Variants in DPH7 observed in about 807,000 individuals in gnomAD.
DPH7 encodes the protein diphthine methyltransferase.
Under a neutral mutation model 41.7 loss-of-function variants are expected in DPH7, and 44 were observed. The ratio of observed to expected loss-of-function variants is 1.05; its 90% CI spans 0.83 to 1.36. The LOEUF (loss-of-function observed/expected upper bound fraction) is 1.36, where lower values mean the gene tolerates loss of function less well. Ranked by LOEUF, DPH7 falls within the 40% of genes most tolerant of loss-of-function variation. DPH7 has a pLI of 0.00. For missense variants in DPH7, 629 were observed against 577.5 expected, an observed-to-expected ratio of 1.09 and a Z score of -0.91; for synonymous variants, 275 against 238.0, an observed-to-expected ratio of 1.16 and a Z score of -1.43.
At chr9:137,560,334 T>C (rs1838291479) in intron 8 of DPH7, among the ~76,000 whole-genome samples, 1 of 152,030 alleles carries the variant, frequency 6.6e-6, no homozygotes, top group Non-Finnish European at 1.5e-5. Context: ...AATAGTCAAT[T>C]GCGAGCTGAG....
chr9:137,561,577 C>G (rs1052792240), intron 8 of DPH7, among the ~76,000 whole-genome samples: 5 of 145,830 alleles, frequency 3.4e-5, no homozygotes, highest in Admixed American at 6.9e-5. Flanking sequence ...GACCCCATAC[C>G]AAAGACTCGC....
chr9:137,569,458 C>A (rs915573569), intron 5 of DPH7, among the ~76,000 whole-genome samples: 1 of 144,664 alleles, frequency 6.9e-6, no homozygotes, highest in Non-Finnish European at 1.5e-5. Context: ...AGTCACTCAC[C>A]CACCATCCAT....
At chr9:137,575,520 G>C (rs1195845231) in intron 3 of DPH7, 1 of 991,328 alleles carries the variant, frequency 1.0e-6, no homozygotes, top group African/African-American at 1.7e-5. Flanking sequence ...TTCCTACACA[G>C]GCCCTCGGTT....
Position 137,574,798 on chromosome 9 carries a change from G to T in DPH7, c.421C>A (p.Gln141Lys). ...CAATCTAGGGACAAAGCCAGACACT[G>T]CTCCTCCAGGGCAAGGCTGGACAAT... ...EPLSSLALEE[Q>K]CLALSLDWST... Residue 141 changes from glutamine (Q) to lysine (K), a missense_variant, in exon 4 of 9, where the codon CAG (glutamine) becomes AAG (lysine). Gln to Lys is a moderately conservative substitution (Grantham distance 53, BLOSUM62 1). Transcript: ENST00000277540. 1 of 1,614,054 alleles carries T rather than the reference G, an allele frequency of 6.2e-7. No homozygotes were observed. The highest frequency in any genetic ancestry group is 8.5e-7 in the Non-Finnish European group (1 of 1,180,000).
chr9:137,569,991 T>C (rs1218219839), intron 5 of DPH7, among the ~76,000 whole-genome samples: 1 of 136,728 alleles, frequency 7.3e-6, no homozygotes, highest in Non-Finnish European at 1.5e-5. Flanking sequence ...CATCCATCCA[T>C]CCAGTCACCC....
chr9:137,555,165 T>G lies in DPH7; in HGVS notation c.*74A>C. On this transcript the variant is annotated 3_prime_UTR_variant, in exon 9 of 9. Coordinates refer to ENST00000277540, the MANE Select transcript of DPH7 (RefSeq NM_138778.5). ...GCAGGGCTGCAGTAAGCATCTCTGATGAGGTGGTCCCGGGCACTCACTCGC... is the reference window on the plus strand; with the variant it reads ...GCAGGGCTGCAGTAAGCATCTCTGAGGAGGTGGTCCCGGGCACTCACTCGC... 1.3e-5 allele frequency: 20 copies of G among 1,505,904 alleles called. No individual in the cohort carries two copies. Among genetic ancestry groups the G allele is most frequent in the Non-Finnish European group, 1.6e-5 (18 of 1,123,966 alleles). 93.3% of individuals were successfully genotyped at this position (1,505,904 alleles called of 1,614,324 possible). A position where few individuals can be genotyped will look rare whatever the true frequency, so the allele number is the denominator to read the frequency against.
chr9:137,558,578 A>G (rs1837931897), intron 8 of DPH7, among the ~76,000 whole-genome samples: 1 of 152,214 alleles, frequency 6.6e-6, no homozygotes, highest in Non-Finnish European at 1.5e-5. Flanking sequence ...GGATATAAAA[A>G]GACACACGAT....
At chr9:137,561,941 T>C (rs955982703) in intron 8 of DPH7, among the ~76,000 whole-genome samples, 1 of 152,130 alleles carries the variant, frequency 6.6e-6, no homozygotes, top group Non-Finnish European at 1.5e-5. Context: ...CTCGGCTCAC[T>C]GCAAGCTCCG....
chr9:137,564,968 G>A lies in DPH7; in HGVS notation c.711-10C>T, dbSNP rs1452953081. ...CACACCCATGGTGTGTCTGCAAGCAGAGGCGGCTTCTGAACCAGTGTCCAG... is the reference window on the plus strand; with the variant it reads ...CACACCCATGGTGTGTCTGCAAGCAAAGGCGGCTTCTGAACCAGTGTCCAG... On this transcript the variant is annotated splice_polypyrimidine_tract_variant and intron_variant, in intron 6 of 8. Transcript: ENST00000277540. 4 of 1,595,384 alleles carry A rather than the reference G, an allele frequency of 2.5e-6. No individual in the cohort carries two copies. In the African/African-American group the frequency reaches 5.4e-5, roughly 21 times the overall value.
chr9:137,558,740 ATTTTT>A (rs1416682513), intron 8 of DPH7, among the ~76,000 whole-genome samples: 1 of 152,100 alleles, frequency 6.6e-6, no homozygotes, highest in African/African-American at 2.4e-5. Flanking sequence ...GTCTTCTTTT[ATTTTT>A]TATTTTTTTT....
In DPH7 at chr9:137,556,676, C is replaced by T. The variant is rs1363248644; in HGVS notation, c.950-1028G>A. ...GGGCCCTCGAGCAGCATGTGTGGGG[C>T]GACCCTCGGGAGGAAGCCCCTGGGG... On this transcript the variant is annotated intron_variant, in intron 8 of 8. Coordinates refer to ENST00000277540, the MANE Select transcript of DPH7 (RefSeq NM_138778.5). This position sits in a 1 kb window ranked among gnomAD's most constrained non-coding sequence, Gnocchi z 5.2. The T allele has an allele frequency of 3.0e-5, 11 of 364,328 alleles. No individual in the cohort carries two copies. Among genetic ancestry groups the T allele is most frequent in the Admixed American group, 2.1e-4 (6 of 28,982 alleles). The allele number at this position is 364,328 out of a possible 1,614,324, so 22.6% of individuals were successfully genotyped here. A position where few individuals can be genotyped will look rare whatever the true frequency, so the allele number is the denominator to read the frequency against.
rs1253403791 is a variant in DPH7 at position 137,554,887 on chromosome 9, CAT to C, written c.*350_*351del. 1 of 207,028 alleles carries C rather than the reference CAT, an allele frequency of 4.8e-6. No homozygotes were observed. Among genetic ancestry groups the C allele is most frequent in the Non-Finnish European group, 9.5e-6 (1 of 104,944 alleles). The allele number at this position is 207,028 out of a possible 1,614,324, so 12.8% of individuals were successfully genotyped here. ...TGAGGCATAAAATGTTCATTTTAAACATGTTATAAACTCGTGTTTTTCAAAAA... is the reference window on the plus strand; with the variant it reads ...TGAGGCATAAAATGTTCATTTTAAACGTTATAAACTCGTGTTTTTCAAAAA... On this transcript the variant is annotated 3_prime_UTR_variant, in exon 9 of 9. Transcript: ENST00000277540.
rs765584512 is a variant in DPH7 at position 137,578,742 on chromosome 9, G to C, written c.36C>G (p.Thr12=). Residue 12 remains threonine (T), a synonymous_variant, in exon 1 of 9, where the codon ACC becomes ACG. Transcript: ENST00000277540. The part of the protein sequence containing the change: ...MGCFALQTVD[T]ELTADSVEWC... Reference sequence around the variant, plus strand: ...ACTCCACCGAGTCCGCGGTCAGCTCGGTGTCCACCGTTTGCAGGGCGAAAC... The same window carrying C: ...ACTCCACCGAGTCCGCGGTCAGCTCCGTGTCCACCGTTTGCAGGGCGAAAC... The C allele has an allele frequency of 8.5e-6, 13 of 1,523,682 alleles. No individual in the cohort carries two copies. In the African/African-American group the frequency reaches 1.7e-4, roughly 20 times the overall value. 94.4% of individuals were successfully genotyped at this position (1,523,682 alleles called of 1,614,324 possible). A position where few individuals can be genotyped will look rare whatever the true frequency, so the allele number is the denominator to read the frequency against.
At chr9:137,555,731 C>G (rs1837396423) in intron 8 of DPH7, 83 bp from the exon 9 acceptor site, 1 of 1,434,472 alleles carries the variant, frequency 7.0e-7, no homozygotes. Context: ...CAGGGAGACT[C>G]CAAGAACAGC....
rs1837165862 is a variant in DPH7 at position 137,554,650 on chromosome 9, G to C, written c.*589C>G. 6.6e-6 allele frequency among the ~76,000 whole-genome samples: 1 copy of C among 151,880 alleles called. No homozygotes were observed. Among genetic ancestry groups the C allele is most frequent in the Non-Finnish European group, 1.5e-5 (1 of 67,974 alleles). Reference sequence around the variant, plus strand: ...AGACTGGGTTTTGCTATGTTGCCCAGGCTGGTCTTGAACTCCAGGCCTCAA... The same window carrying C: ...AGACTGGGTTTTGCTATGTTGCCCACGCTGGTCTTGAACTCCAGGCCTCAA... On this transcript the variant is annotated 3_prime_UTR_variant, in exon 9 of 9. Transcript: ENST00000277540.
At chr9:137,563,760 G>A (rs1180523660) in intron 8 of DPH7, among the ~76,000 whole-genome samples, 5 of 152,082 alleles carry the variant, frequency 3.3e-5, no homozygotes, top group Non-Finnish European at 5.9e-5. Flanking sequence ...GAGAAGAGGC[G>A]AAAGAGGAGA....
chr9:137,574,331 G>A lies in DPH7; in HGVS notation c.517C>T (p.Leu173Phe). The change falls in exon 5 of 9, where the codon CTC (leucine) becomes TTC (phenylalanine). Residue 173 changes from leucine (L) to phenylalanine (F), a missense_variant. Physicochemically the swap from Leu to Phe is conservative, Grantham distance 22. Transcript: ENST00000277540. The part of the protein sequence containing the change: ...KIISSDSTGQ[L>F]HLLMVNETRP... Reference sequence around the variant, plus strand: ...GTCTCATTCACCATCAGGAGGTGGAGCTGCCCTGTGGAGTCACTGCTGATG... The same window carrying A: ...GTCTCATTCACCATCAGGAGGTGGAACTGCCCTGTGGAGTCACTGCTGATG... 1 of 1,614,184 alleles carries A rather than the reference G, an allele frequency of 6.2e-7. No individual in the cohort carries two copies.
chr9:137,555,439 C>T lies in DPH7; in HGVS notation c.1159G>A (p.Glu387Lys). The T allele has an allele frequency of 6.2e-7, 1 of 1,614,090 alleles. No homozygotes were observed. Among genetic ancestry groups the T allele is most frequent in the Non-Finnish European group, 8.5e-7 (1 of 1,179,982 alleles). The change falls in exon 9 of 9, where the codon GAG becomes AAG. Residue 387 changes from glutamate (E) to lysine (K), a missense_variant. Glu to Lys is a moderately conservative substitution (Grantham distance 56). Transcript: ENST00000277540. ...CHECREDNDGEGHARPQSGMK... is the reference protein window; with the variant it reads ...CHECREDNDGKGHARPQSGMK... ...CCACTCTGGGGTCTGGCATGGCCCT[C>T]CCCATCGTTATCCTCTCTGCATTCA...
At position 137,555,556 on chromosome 9, in the gene DPH7, G is replaced by A. The variant is rs1055131999; in HGVS notation, c.1042C>T (p.Leu348=). ...AAGGACCACGAGGGGGCCCGCTGCA[G>A]AGAACGGAAGAGCAGCCAGGACCAG... ...ADWSWLLFRS[L]QRAPSWSFPS... is the part of the protein sequence containing the mutation. The change falls in exon 9 of 9, where the codon CTG becomes TTG. Residue 348 remains leucine, a synonymous_variant. Coordinates refer to ENST00000277540, the MANE Select transcript of DPH7 (RefSeq NM_138778.5). 9.9e-6 allele frequency: 16 copies of A among 1,613,846 alleles called. No homozygotes were observed. In the Admixed American group the frequency reaches 1.0e-4, roughly 10 times the overall value.
Sources: allele counts gnomAD v4.1 joint callset (sites outside exome capture counted in the v4.1 genomes callset), GRCh38; gene constraint gnomAD v4.1.1; non-coding constraint Gnocchi (gnomAD v3.1); transcripts MANE v1.5; gene names NCBI Gene and HGNC (gene_info 2026-07-23, HGNC 2026-07-21).